The following CSMD1 variants were observed in gnomAD, a reference collection of about 807,000 sequenced individuals.
The protein encoded by CSMD1 is CUB and Sushi multiple domains 1.
Under a neutral mutation model 417.5 loss-of-function variants are expected in CSMD1, and 213 were observed. That is an observed-to-expected ratio of 0.51 (90% CI 0.46 to 0.57). The LOEUF is 0.57. CSMD1 is among the 20% of genes least tolerant of loss of function. The pLI, the probability that CSMD1 is intolerant of heterozygous loss-of-function variation, is 0.00. For missense variants in CSMD1, 6,923 were observed against 4,529.7 expected (o/e 1.53, Z -15.17); for synonymous variants, 2,862 against 1,736.8 (o/e 1.65, Z -16.11).
rs113999228 is a variant in CSMD1 at position 4,695,545 on chromosome 8, C to A, written c.86-57987G>T. Among the ~76,000 whole-genome samples the A allele has an allele frequency of 2.5e-3, 374 of 152,228 alleles. 3 individuals are homozygous for A. Among genetic ancestry groups the A allele is most frequent in the African/African-American group, 8.7e-3 (360 of 41,550 alleles). Reference sequence around the variant, plus strand: ...ATTTTTTACAGCAGTTTTAAGTTCACAGAAAAATGAAGAGGAAGATACAGA... The same window carrying A: ...ATTTTTTACAGCAGTTTTAAGTTCAAAGAAAAATGAAGAGGAAGATACAGA... On this transcript the variant is annotated intron_variant, in intron 1 of 69. Coordinates refer to ENST00000635120, the MANE Select transcript of CSMD1 (RefSeq NM_033225.6).
At chr8:3,044,097 T>C (rs772864123) in intron 50 of CSMD1, among the ~76,000 whole-genome samples, 1 of 152,198 alleles carries the variant, frequency 6.6e-6, no homozygotes, top group East Asian at 1.9e-4. Context: ...CAGCTTGATG[T>C]TGATTATGTT....
intron 26 of CSMD1, among the ~76,000 whole-genome samples, chr8:3,266,246 A>T (rs1401121600): frequency 1.3e-5 from 2 of 150,716 alleles, no homozygotes; most frequent in African/African-American, 4.9e-5. Flanking sequence ...GATCATGAAA[A>T]CCTAGACGAA....
intron 3 of CSMD1, among the ~76,000 whole-genome samples, chr8:4,173,240 C>G (rs981464261): frequency 1.2e-4 from 18 of 152,150 alleles, no homozygotes; most frequent in Middle Eastern, 6.3e-3. Context: ...GCAAGCTTGT[C>G]TCACGCAACA....
At chr8:3,432,367 G>A (rs1188879682) in intron 12 of CSMD1, among the ~76,000 whole-genome samples, 3 of 152,164 alleles carry the variant, frequency 2.0e-5, no homozygotes, top group Non-Finnish European at 2.9e-5. Context: ...GTGATGAAAT[G>A]TATTTATACC....
chr8:4,008,550 T>C (rs1475219696), intron 4 of CSMD1, among the ~76,000 whole-genome samples: 1 of 151,358 alleles, frequency 6.6e-6, no homozygotes. Flanking sequence ...AAATACTTGA[T>C]TGTTAAAGTT....
At chr8:3,428,436 G>A (rs551571469) in intron 12 of CSMD1, among the ~76,000 whole-genome samples, 6 of 152,030 alleles carry the variant, frequency 3.9e-5, no homozygotes, top group Non-Finnish European at 8.8e-5. Context: ...AAACTGTCAA[G>A]AATATTAAAT....
At chr8:4,257,170 G>C (rs886483109) in intron 3 of CSMD1, among the ~76,000 whole-genome samples, 3 of 148,250 alleles carry the variant, frequency 2.0e-5, no homozygotes, top group African/African-American at 7.5e-5. Context: ...GTTTGACCTT[G>C]AGTTATAAAT....
At chr8:2,955,906 A>T in intron 63 of CSMD1, 138 bp from the exon 64 acceptor site, 1 of 563,052 alleles carries the variant, frequency 1.8e-6, no homozygotes, top group Non-Finnish European at 2.9e-6. Flanking sequence ...ACACATATAT[A>T]TGTATATTTT....
At position 3,162,286 on chromosome 8, in the gene CSMD1, G is replaced by A. The variant is rs1423777873; in HGVS notation, c.5726-9C>T. 5.2e-6 allele frequency: 8 copies of A among 1,546,868 alleles called. No homozygotes were observed. The East Asian group carries it at 1.8e-4, about 35-fold the overall frequency. On this transcript the variant is annotated splice_polypyrimidine_tract_variant and intron_variant, in intron 37 of 69. Coordinates refer to ENST00000635120, the MANE Select transcript of CSMD1 (RefSeq NM_033225.6). ...TGCAGCAAGACCTACAGCTAGAAAT[G>A]CAAAGACAAATGCTAGAAATTATAT...
rs772437040 is a variant in CSMD1 at position 3,754,033 on chromosome 8, G to A, written c.828C>T (p.Gly276=). The part of the protein sequence containing the change: ...GTEAPSIWLT[G]MNLPSPVISS... ...TGATAACTGGAGAGGGGAGGTTCATGCCAGTTAGCCTAGAGAAGAGAAAGA... is the reference window on the plus strand; with the variant it reads ...TGATAACTGGAGAGGGGAGGTTCATACCAGTTAGCCTAGAGAAGAGAAAGA... The change falls in exon 6 of 70, where the codon GGC becomes GGT. Residue 276 remains glycine, a synonymous_variant. Transcript: ENST00000635120. 1.2e-6 allele frequency: 2 copies of A among 1,610,826 alleles called. No homozygotes were observed. The highest frequency in any genetic ancestry group is 1.1e-5 in the South Asian group (1 of 90,964).
intron 9 of CSMD1, among the ~76,000 whole-genome samples, chr8:3,585,454 C>T (rs1800560447): frequency 6.6e-6 from 1 of 152,116 alleles, no homozygotes; most frequent in East Asian, 1.9e-4. Flanking sequence ...CCAAACCCAG[C>T]ATTTCTTTAA....
At chr8:3,072,815 T>C (rs1308435211) in intron 49 of CSMD1, among the ~76,000 whole-genome samples, 1 of 152,162 alleles carries the variant, frequency 6.6e-6, no homozygotes, top group Non-Finnish European at 1.5e-5. Flanking sequence ...TACTGGTCGA[T>C]GTATATATAT....
intron 1 of CSMD1, among the ~76,000 whole-genome samples, chr8:4,721,276 T>C (rs951766764): frequency 6.6e-6 from 1 of 152,176 alleles, no homozygotes; most frequent in South Asian, 2.1e-4. Flanking sequence ...ATGTTTAACA[T>C]ATAGAAAGAA....
intron 3 of CSMD1, among the ~76,000 whole-genome samples, chr8:4,040,738 C>G (rs558861684): frequency 6.6e-6 from 1 of 151,880 alleles, no homozygotes; most frequent in Non-Finnish European, 1.5e-5. Flanking sequence ...GCAGCAAAGT[C>G]AAAAACAAGG....
intron 3 of CSMD1, among the ~76,000 whole-genome samples, chr8:4,169,637 C>A (rs1797653081): frequency 6.6e-6 from 1 of 152,168 alleles, no homozygotes; most frequent in African/African-American, 2.4e-5. Context: ...TCCCTTGCTG[C>A]TGCAGGGACG....
At chr8:4,434,344 C>G (rs764157840) in intron 2 of CSMD1, among the ~76,000 whole-genome samples, 2 of 152,068 alleles carry the variant, frequency 1.3e-5, no homozygotes, top group Non-Finnish European at 2.9e-5. Flanking sequence ...CCAGCCTGGG[C>G]AACAGCATGA....
chr8:4,419,671 T>C (rs1563154369), intron 3 of CSMD1, among the ~76,000 whole-genome samples: 1 of 152,198 alleles, frequency 6.6e-6, no homozygotes, highest in Non-Finnish European at 1.5e-5. Flanking sequence ...TATTAGTTTA[T>C]AGTCAAATTT....
At chr8:3,474,027 C>A (rs1817264383) in intron 11 of CSMD1, among the ~76,000 whole-genome samples, 2 of 151,720 alleles carry the variant, frequency 1.3e-5, no homozygotes, top group African/African-American at 4.8e-5. Context: ...GAAACTGCCC[C>A]CATGATCCAA....
intron 3 of CSMD1, among the ~76,000 whole-genome samples, chr8:4,179,836 A>T (rs1798256408): frequency 6.6e-6 from 1 of 152,234 alleles, no homozygotes. Flanking sequence ...AATGCTCATC[A>T]TCACTGGCCA....
Sources: gnomAD v4.1 joint callset for allele counts (sites outside exome capture counted in the v4.1 genomes callset) on GRCh38, gnomAD v4.1.1 for gene constraint, MANE v1.5 for transcripts, NCBI Gene and HGNC (gene_info 2026-07-23, HGNC 2026-07-21) for gene names.